SCHIP1: variants seen among roughly 807,000 people sequenced by gnomAD.
SCHIP1 encodes the protein schwannomin interacting protein 1.
Under a neutral mutation model 29.7 loss-of-function variants are expected in SCHIP1, and 8 were observed. The ratio of observed to expected loss-of-function variants is 0.27; its 90% CI spans 0.16 to 0.49. The LOEUF is 0.49. SCHIP1 is among the 20% of genes least tolerant of loss of function. The pLI is 0.99. For synonymous variants in SCHIP1, 76 were observed against 94.9 expected (o/e 0.80, Z 1.16); for missense variants, 193 against 294.6 (o/e 0.66, Z 2.52).
At chr3:159,800,855 A>T in the SCHIP1 span, among the ~76,000 whole-genome samples, 1 of 150,136 alleles carries the variant, frequency 6.7e-6, no homozygotes, top group Non-Finnish European at 1.5e-5. Context: ...GCCAGCCTAA[A>T]AGGACCTCCA....
At chr3:159,468,409 C>T in the SCHIP1 span, among the ~76,000 whole-genome samples, 1 of 151,878 alleles carries the variant, frequency 6.6e-6, no homozygotes, top group Non-Finnish European at 1.5e-5. Flanking sequence ...TTTCACAAAC[C>T]TGTATGTGCC....
In SCHIP1 at chr3:159,849,006, G is replaced by A. The variant is rs186587598; in HGVS notation, c.30+8792G>A. Among the ~76,000 whole-genome samples, 8 of 152,118 alleles carry A rather than the reference G, an allele frequency of 5.3e-5. No individual in the cohort carries two copies. The East Asian group carries it at 1.6e-3, about 30-fold the overall frequency. On this transcript the variant is annotated intron_variant, in intron 1 of 6. Transcript: ENST00000445224. ...AACTGCTTGCATTCATGTTTCAGGA[G>A]CAGATGTTCTATCACTTGTCTCTGT... is the stretch of plus-strand genomic sequence containing the variant.
chr3:159,567,026 A>G, the SCHIP1 span, among the ~76,000 whole-genome samples: 1 of 152,202 alleles, frequency 6.6e-6, no homozygotes, highest in African/African-American at 2.4e-5. Context: ...TCTGATAGAT[A>G]TGAAATGGTA....
At chr3:159,507,487 G>A in the SCHIP1 span, among the ~76,000 whole-genome samples, 1 of 152,192 alleles carries the variant, frequency 6.6e-6, no homozygotes, top group Non-Finnish European at 1.5e-5. Context: ...GCCCTGGCCA[G>A]AACTTCCAGC....
chr3:159,393,859 T>A, the SCHIP1 span, among the ~76,000 whole-genome samples: 3 of 152,258 alleles, frequency 2.0e-5, no homozygotes, highest in South Asian at 2.1e-4. Flanking sequence ...AGAAAGTCAT[T>A]GGTAGCTTGA....
chr3:159,465,941 C>T, the SCHIP1 span, among the ~76,000 whole-genome samples: 8 of 152,156 alleles, frequency 5.3e-5, no homozygotes, highest in East Asian at 7.7e-4. Context: ...AGTTTGAATA[C>T]GATCCTACTG....
At chr3:159,437,994 T>C in the SCHIP1 span, among the ~76,000 whole-genome samples, 2 of 152,170 alleles carry the variant, frequency 1.3e-5, no homozygotes, top group African/African-American at 4.8e-5. Context: ...AAATGGGGGA[T>C]AGTAATAGTA....
chr3:159,583,675 C>G, the SCHIP1 span, among the ~76,000 whole-genome samples: 5,696 of 152,208 alleles, frequency 0.037, 258 homozygotes, highest in East Asian at 0.17. Context: ...TTAAGTCCCT[C>G]TAAGGCCTGA....
At chr3:159,626,188 A>ATAGATAGATAGAT in the SCHIP1 span, among the ~76,000 whole-genome samples, 1 of 117,352 alleles carries the variant, frequency 8.5e-6, no homozygotes, top group Non-Finnish European at 1.6e-5. Context: ...ATCTAGATAG[A>ATAGATAGATAGAT]TAGATAGATA....
chr3:159,858,116 G>A (rs1190911736), intron 1 of SCHIP1, among the ~76,000 whole-genome samples: 1 of 152,214 alleles, frequency 6.6e-6, no homozygotes, highest in African/African-American at 2.4e-5. Flanking sequence ...GATACTGAAT[G>A]ACTGTGATGG....
chr3:159,737,870 T>C, the SCHIP1 span, among the ~76,000 whole-genome samples: 4 of 152,204 alleles, frequency 2.6e-5, no homozygotes, highest in African/African-American at 9.6e-5. Flanking sequence ...TAAGCTACAC[T>C]GCACGGGTGC....
the SCHIP1 span, chr3:159,273,414 A>ATGATAGCAT: frequency 9.9e-7 from 1 of 1,010,472 alleles, no homozygotes. Flanking sequence ...AGTAGATCAG[A>ATGATAGCAT]TGATAGCATG....
the SCHIP1 span, among the ~76,000 whole-genome samples, chr3:159,329,592 G>A: frequency 6.6e-6 from 1 of 152,154 alleles, no homozygotes; most frequent in Non-Finnish European, 1.5e-5. Context: ...AAGATATGGA[G>A]CACTGGCTGT....
the SCHIP1 span, among the ~76,000 whole-genome samples, chr3:159,427,016 G>A: frequency 6.6e-6 from 1 of 152,160 alleles, no homozygotes; most frequent in African/African-American, 2.4e-5. Flanking sequence ...AATAAATTAG[G>A]TATTGATGGG....
the SCHIP1 span, among the ~76,000 whole-genome samples, chr3:159,354,139 G>A: frequency 0.017 from 2,642 of 152,254 alleles, 81 homozygotes; most frequent in African/African-American, 0.061. Flanking sequence ...GTTACTCACT[G>A]ACTTATAAGA....
intron 1 of SCHIP1, among the ~76,000 whole-genome samples, chr3:159,852,743 A>T (rs1032639770): frequency 6.6e-6 from 1 of 152,116 alleles, no homozygotes. Context: ...CTCCTACCAG[A>T]TGAGACTTTT....
At chr3:159,494,969 T>C in the SCHIP1 span, among the ~76,000 whole-genome samples, 3 of 152,132 alleles carry the variant, frequency 2.0e-5, no homozygotes, top group Non-Finnish European at 4.4e-5. Context: ...AATCAATAAA[T>C]GTAATCCAGC....
chr3:159,283,726 T>C, the SCHIP1 span, among the ~76,000 whole-genome samples: 3 of 152,206 alleles, frequency 2.0e-5, no homozygotes, highest in Admixed American at 1.3e-4. Context: ...CTTCAGAATT[T>C]TTTTAGTGGA....
At chr3:159,566,767 G>T in the SCHIP1 span, among the ~76,000 whole-genome samples, 1 of 152,234 alleles carries the variant, frequency 6.6e-6, no homozygotes, top group East Asian at 1.9e-4. Flanking sequence ...GGCAGACAAC[G>T]GCATCAGGGA....
Sources: allele counts gnomAD v4.1 joint callset (sites outside exome capture counted in the v4.1 genomes callset), GRCh38; gene constraint gnomAD v4.1.1; transcripts MANE v1.5; gene names NCBI Gene and HGNC (gene_info 2026-07-23, HGNC 2026-07-21).